AOPEP: variants seen among roughly 807,000 people sequenced by gnomAD.
The protein encoded by AOPEP is aminopeptidase O (putative).
A neutral mutation model predicts 98.1 loss-of-function variants in AOPEP; 77 were observed. That is an observed-to-expected ratio of 0.78 (90% CI 0.65 to 0.95). AOPEP has a LOEUF of 0.95. Among genes scored for constraint, AOPEP ranks in the 40% least tolerant of loss-of-function variants. The probability of loss-of-function intolerance (pLI) is 0.00; values close to 1 mark genes in which losing one functional copy is unlikely to be tolerated. For synonymous variants in AOPEP, 346 were observed against 365.3 expected (o/e 0.95, Z 0.60); for missense variants, 1,024 against 1,024.7 (o/e 1.00, Z 0.01).
chr9:94,750,359 G>A (rs1476273064), intron 1 of AOPEP, among the ~76,000 whole-genome samples: 2 of 152,172 alleles, frequency 1.3e-5, no homozygotes. Context: ...GCTGAGGTGG[G>A]TGGATCACGA....
chr9:94,799,736 C>T (rs975713751), intron 4 of AOPEP, among the ~76,000 whole-genome samples: 2 of 151,956 alleles, frequency 1.3e-5, no homozygotes, highest in African/African-American at 2.4e-5. Context: ...GTGGCACACA[C>T]GTGTAATCCC....
chr9:95,038,905 G>A (rs909916356), intron 13 of AOPEP, among the ~76,000 whole-genome samples: 2 of 152,128 alleles, frequency 1.3e-5, no homozygotes, highest in African/African-American at 4.8e-5. Context: ...CTAGAAATTG[G>A]GACTTACGGA....
At chr9:94,861,353 GA>G (rs2044955137) in intron 5 of AOPEP, among the ~76,000 whole-genome samples, 2 of 152,234 alleles carry the variant, frequency 1.3e-5, no homozygotes, top group African/African-American at 4.8e-5. Flanking sequence ...GGCATATGGA[GA>G]AATGGTGATG....
the AOPEP span, among the ~76,000 whole-genome samples, chr9:95,139,045 C>T: frequency 3.9e-5 from 6 of 152,178 alleles, no homozygotes; most frequent in East Asian, 1.9e-4. Context: ...ATGAAGGAAT[C>T]GCCGAAGCAG....
At chr9:94,855,928 A>G (rs1655318196) in intron 5 of AOPEP, among the ~76,000 whole-genome samples, 1 of 152,190 alleles carries the variant, frequency 6.6e-6, no homozygotes, top group Non-Finnish European at 1.5e-5. Flanking sequence ...GCATGCTCCT[A>G]TTATCAGATG....
chr9:94,971,985 C>T (rs976449232), intron 10 of AOPEP, among the ~76,000 whole-genome samples: 16 of 130,760 alleles, frequency 1.2e-4, no homozygotes, highest in Admixed American at 2.1e-4. Context: ...AGACACCTGC[C>T]GAGGGCAGTG....
chr9:94,918,090 A>AAT (rs905709304), intron 5 of AOPEP, among the ~76,000 whole-genome samples: 67 of 152,272 alleles, frequency 4.4e-4, no homozygotes, highest in African/African-American at 1.6e-3. Flanking sequence ...GGCTTTAGCA[A>AAT]ATATAGGTGA....
chr9:94,883,158 T>A (rs1021136658), intron 5 of AOPEP, among the ~76,000 whole-genome samples: 1 of 152,162 alleles, frequency 6.6e-6, no homozygotes, highest in Admixed American at 6.5e-5. Context: ...CACAATTGGC[T>A]CTGCAGGTGC....
chr9:95,081,538 G>C (rs1035590584), intron 15 of AOPEP, among the ~76,000 whole-genome samples: 34 of 152,214 alleles, frequency 2.2e-4, no homozygotes, highest in African/African-American at 7.2e-4. Flanking sequence ...CTCAGTGTGG[G>C]GGACAGCCAG....
chr9:94,841,211 G>A (rs888398932), intron 5 of AOPEP, among the ~76,000 whole-genome samples: 38 of 139,292 alleles, frequency 2.7e-4, no homozygotes, highest in South Asian at 4.4e-4. Flanking sequence ...TCACTCTGTC[G>A]CCCAGGCTAG....
chr9:94,846,672 G>A (rs763120103), intron 5 of AOPEP, among the ~76,000 whole-genome samples: 17 of 152,214 alleles, frequency 1.1e-4, no homozygotes, highest in Admixed American at 2.0e-4. Flanking sequence ...TTCCAAGGCC[G>A]AGGTGGTGGG....
At chr9:94,956,074 A>C (rs1589069331) in intron 9 of AOPEP, 59 bp downstream of exon 9, 1 of 972,232 alleles carries the variant, frequency 1.0e-6, no homozygotes, top group East Asian at 2.4e-5. Context: ...TGGCACATGA[A>C]GATTAGATTA....
chr9:95,041,342 C>G (rs564180010), intron 13 of AOPEP, among the ~76,000 whole-genome samples: 1 of 151,044 alleles, frequency 6.6e-6, no homozygotes, highest in East Asian at 1.9e-4. Context: ...AATAAGGAAA[C>G]TATTCAGAAA....
chr9:94,799,901 G>C (rs546958014), intron 4 of AOPEP, among the ~76,000 whole-genome samples: 15 of 152,032 alleles, frequency 9.9e-5, no homozygotes, highest in African/African-American at 2.9e-4. Flanking sequence ...TGATTAGAGG[G>C]GTTTTTCATT....
intron 3 of AOPEP, among the ~76,000 whole-genome samples, chr9:94,786,719 G>C (rs1844505650): frequency 6.6e-6 from 1 of 152,208 alleles, no homozygotes; most frequent in South Asian, 2.1e-4. Context: ...CTTCTCCAGA[G>C]CACTAGCAGC....
chr9:95,098,507 G>A, the AOPEP span, among the ~76,000 whole-genome samples: 14 of 152,094 alleles, frequency 9.2e-5, no homozygotes, highest in Admixed American at 6.5e-5. Context: ...GCGCCCTCCT[G>A]ACCCCGAGAG....
intron 9 of AOPEP, among the ~76,000 whole-genome samples, chr9:94,964,326 A>G (rs143446038): frequency 5.3e-4 from 80 of 152,304 alleles, no homozygotes; most frequent in Non-Finnish European, 9.3e-4. Context: ...TTCCTTCAAC[A>G]TGAAGCAGGG....
At chr9:94,835,465 C>T (rs1452199692) in intron 5 of AOPEP, among the ~76,000 whole-genome samples, 2 of 152,154 alleles carry the variant, frequency 1.3e-5, no homozygotes, top group Non-Finnish European at 2.9e-5. Context: ...GAAAGGGATA[C>T]AGAAAATTTG....
the AOPEP span, among the ~76,000 whole-genome samples, chr9:95,141,888 A>T: frequency 6.6e-6 from 1 of 152,128 alleles, no homozygotes; most frequent in East Asian, 1.9e-4. Context: ...TAGGGGGAAA[A>T]ATATGAGTTT....
Sources: gnomAD v4.1 joint callset for allele counts (sites outside exome capture counted in the v4.1 genomes callset) on GRCh38, gnomAD v4.1.1 for gene constraint, MANE v1.5 for transcripts, NCBI Gene and HGNC (gene_info 2026-07-23, HGNC 2026-07-21) for gene names.